The following CADM2 variants were observed in gnomAD, a reference collection of about 807,000 sequenced individuals.
CADM2 encodes the protein cell adhesion molecule 2.
Under a neutral mutation model 49.8 loss-of-function variants are expected in CADM2, and 12 were observed. The ratio of observed to expected loss-of-function variants is 0.24; its 90% CI spans 0.15 to 0.39. The LOEUF (loss-of-function observed/expected upper bound fraction) is 0.39. CADM2 is among the 10% of genes least tolerant of loss of function. The pLI, the probability that CADM2 is intolerant of heterozygous loss-of-function variation, is 1.00. For synonymous variants in CADM2, 214 were observed against 175.4 expected (o/e 1.22, Z -1.74); for missense variants, 378 against 492.3 (o/e 0.77, Z 2.20).
intron 1 of CADM2, among the ~76,000 whole-genome samples, chr3:85,344,536 T>C (rs972916517): frequency 1.3e-5 from 2 of 151,858 alleles, no homozygotes; most frequent in Non-Finnish European, 2.9e-5. Context: ...TTTGGTTAAG[T>C]TAAATGAAGT....
At chr3:85,661,420 A>C (rs935342681) in intron 1 of CADM2, among the ~76,000 whole-genome samples, 13 of 152,164 alleles carry the variant, frequency 8.5e-5, no homozygotes, top group Non-Finnish European at 1.6e-4. Flanking sequence ...TGAAATGAGC[A>C]CAAAGGACCA....
chr3:85,573,978 C>T (rs1449893986), intron 1 of CADM2, among the ~76,000 whole-genome samples: 1 of 152,070 alleles, frequency 6.6e-6, no homozygotes, highest in Admixed American at 6.6e-5. Context: ...CCCAGCTGTC[C>T]ACGATACTGA....
At chr3:85,984,313 G>A (rs1300086935) in intron 8 of CADM2, among the ~76,000 whole-genome samples, 2 of 150,630 alleles carry the variant, frequency 1.3e-5, no homozygotes, top group African/African-American at 2.4e-5. Flanking sequence ...ATTAATATAA[G>A]CATTATTTTA....
chr3:85,272,670 G>A (rs573806886), intron 1 of CADM2, among the ~76,000 whole-genome samples: 108 of 151,356 alleles, frequency 7.1e-4, no homozygotes, highest in Admixed American at 1.3e-3. Context: ...TTGTCATATG[G>A]CTTACTTTCT....
intron 1 of CADM2, among the ~76,000 whole-genome samples, chr3:85,574,482 A>C: frequency 6.6e-6 from 1 of 152,270 alleles, no homozygotes; most frequent in Admixed American, 6.5e-5. Flanking sequence ...GTAAAATGAT[A>C]CATAGGCCCA....
intron 1 of CADM2, among the ~76,000 whole-genome samples, chr3:85,308,310 T>TACACAC (rs10662960): frequency 0.031 from 4,472 of 143,570 alleles, 180 homozygotes; most frequent in African/African-American, 0.09. Flanking sequence ...TCTACCTCTC[T>TACACAC]ACACACACAC....
chr3:85,611,452 G>A (rs748421209), intron 1 of CADM2, among the ~76,000 whole-genome samples: 2 of 151,864 alleles, frequency 1.3e-5, no homozygotes, highest in East Asian at 1.9e-4. Context: ...AAAATAAAAT[G>A]TGAAAAGTGA....
chr3:85,191,370 CTG>C (rs1446014132), intron 1 of CADM2, among the ~76,000 whole-genome samples: 3 of 151,834 alleles, frequency 2.0e-5, no homozygotes, highest in African/African-American at 7.3e-5. Flanking sequence ...TTAAATATAA[CTG>C]TAGGAAACGT....
intron 1 of CADM2, among the ~76,000 whole-genome samples, chr3:85,151,936 G>A (rs2039934947): frequency 6.6e-6 from 1 of 152,190 alleles, no homozygotes; most frequent in South Asian, 2.1e-4. Context: ...GTATATTAAA[G>A]AGCTTTTAGA....
chr3:86,001,508 A>G (rs1006965925), intron 8 of CADM2, among the ~76,000 whole-genome samples: 4 of 152,130 alleles, frequency 2.6e-5, no homozygotes, highest in Admixed American at 1.3e-4. Context: ...TTGAGAAGAT[A>G]TAGGATTATG....
rs182863751 is a variant in CADM2, at chr3:85,345,785, T to G, written c.62-380737T>G. On this transcript the variant is annotated intron_variant, in intron 1 of 9. Transcript: ENST00000383699. ...ATTTGTCTTTGAATGAGATTAAGTA[T>G]AAATGTCAATATCCTGATTTTGATG... 1.7e-3 allele frequency among the ~76,000 whole-genome samples: 252 copies of G among 152,328 alleles called. 2 individuals carry two copies. The highest frequency in any genetic ancestry group is 5.8e-3 in the Admixed American group (89 of 15,300).
rs1278484874 is a variant in CADM2, at chr3:86,069,852, T to C, written c.*3069T>C. ...CTTTTCTTTTCTTTTTTATTTTCCA[T>C]TTTTGGGTGTTCTAGATAGGATTAT... On this transcript the variant is annotated 3_prime_UTR_variant, in exon 10 of 10. Transcript: ENST00000383699. 1.3e-5 allele frequency: 2 copies of C among 152,034 alleles called. No individual in the cohort carries two copies. The highest frequency in any genetic ancestry group is 4.8e-5 in the African/African-American group (2 of 41,442). The allele number at this position is 152,034 out of a possible 1,614,324, so 9.4% of individuals were successfully genotyped here.
intron 1 of CADM2, among the ~76,000 whole-genome samples, chr3:85,347,871 G>A (rs938600457): frequency 6.6e-6 from 1 of 150,708 alleles, no homozygotes; most frequent in Non-Finnish European, 1.5e-5. Flanking sequence ...GCAGTGGCAC[G>A]ATCTCCGCTC....
intron 1 of CADM2, among the ~76,000 whole-genome samples, chr3:85,104,314 C>T (rs1229449144): frequency 1.5e-4 from 22 of 151,474 alleles, no homozygotes; most frequent in Non-Finnish European, 2.9e-4. Context: ...AATCCTTTCC[C>T]CATTGCTTGT....
chr3:85,420,095 T>C (rs958026296), intron 1 of CADM2, among the ~76,000 whole-genome samples: 2 of 152,216 alleles, frequency 1.3e-5, no homozygotes, highest in Non-Finnish European at 2.9e-5. Flanking sequence ...ATTCCAGTTA[T>C]GACACTTAGG....
At chr3:85,603,258 G>C (rs2063460751) in intron 1 of CADM2, among the ~76,000 whole-genome samples, 2 of 151,884 alleles carry the variant, frequency 1.3e-5, no homozygotes, top group African/African-American at 4.8e-5. Flanking sequence ...CTCTTTCCAG[G>C]CTGCATTTCT....
chr3:85,082,655 A>T (rs934482566), intron 1 of CADM2, among the ~76,000 whole-genome samples: 1 of 152,100 alleles, frequency 6.6e-6, no homozygotes, highest in Non-Finnish European at 1.5e-5. Context: ...ATAACAATGA[A>T]GGTATTCTTG....
intron 1 of CADM2, among the ~76,000 whole-genome samples, chr3:85,206,213 A>C (rs1164122380): frequency 6.6e-6 from 1 of 152,008 alleles, no homozygotes; most frequent in Non-Finnish European, 1.5e-5. Context: ...TCAGAAACAT[A>C]AGTATTTGAT....
At chr3:85,278,640 T>G (rs2043416597) in intron 1 of CADM2, among the ~76,000 whole-genome samples, 3 of 151,314 alleles carry the variant, frequency 2.0e-5, no homozygotes, top group Non-Finnish European at 3.0e-5. Flanking sequence ...TTTTAAATTA[T>G]AGGGATAGTG....
Sources: allele counts gnomAD v4.1 joint callset (sites outside exome capture counted in the v4.1 genomes callset), GRCh38; gene constraint gnomAD v4.1.1; transcripts MANE v1.5; gene names NCBI Gene and HGNC (gene_info 2026-07-23, HGNC 2026-07-21).